PHF24: variants seen among roughly 807,000 people sequenced by gnomAD.
The protein encoded by PHF24 is PHD finger protein 24.
A neutral mutation model predicts 42.6 loss-of-function variants in PHF24; 25 were observed. That is an observed-to-expected ratio of 0.59 (90% CI 0.43 to 0.82). The LOEUF (loss-of-function observed/expected upper bound fraction) is 0.82. Ranked by LOEUF, PHF24 falls within the 40% of genes least tolerant of loss-of-function variation. The pLI is 0.00. For missense variants in PHF24, 470 were observed against 538.1 expected (o/e 0.87, Z 1.25); for synonymous variants, 185 against 204.8 (o/e 0.90, Z 0.83).
At chr9:34,841,466 C>T in the PHF24 span, among the ~76,000 whole-genome samples, 477 of 152,242 alleles carry the variant, frequency 3.1e-3, no homozygotes, top group African/African-American at 0.011. Flanking sequence ...ACCACAGTTT[C>T]ATTTTTGTTG....
At chr9:34,982,496 C>T (rs1359086817) in exon 8 of PHF24, 2 of 152,224 alleles carry the variant, frequency 1.3e-5, no homozygotes, top group Non-Finnish European at 2.9e-5. Context: ...GAAGCTGATG[C>T]CCTGAGGCTG....
At chr9:34,765,958 GA>G in the PHF24 span, among the ~76,000 whole-genome samples, 1 of 151,736 alleles carries the variant, frequency 6.6e-6, no homozygotes, top group Admixed American at 6.6e-5. Context: ...CTTCACTTAT[GA>G]AGCTTAGTTT....
At chr9:34,809,845 C>T in the PHF24 span, among the ~76,000 whole-genome samples, 5 of 152,122 alleles carry the variant, frequency 3.3e-5, no homozygotes, top group Admixed American at 2.6e-4. This position sits in a 1 kb window ranked among gnomAD's most constrained non-coding sequence, Gnocchi z 4.1. Context: ...ACTACTCATC[C>T]GAGCCCATGG....
chr9:34,933,411 A>G, the PHF24 span, among the ~76,000 whole-genome samples: 2 of 152,152 alleles, frequency 1.3e-5, no homozygotes, highest in Admixed American at 6.5e-5. Flanking sequence ...GACTCACTCT[A>G]TTATTAATTT....
At chr9:34,890,939 AG>A in the PHF24 span, among the ~76,000 whole-genome samples, 1 of 152,204 alleles carries the variant, frequency 6.6e-6, no homozygotes, top group Non-Finnish European at 1.5e-5. Flanking sequence ...AGCATGGCCC[AG>A]GACTTACACA....
the PHF24 span, among the ~76,000 whole-genome samples, chr9:34,904,109 C>T: frequency 2.6e-5 from 4 of 151,946 alleles, no homozygotes; most frequent in East Asian, 1.9e-4. Context: ...TTAGGGTAGA[C>T]GATTATATTG....
chr9:34,754,944 G>A, the PHF24 span, among the ~76,000 whole-genome samples: 1 of 152,160 alleles, frequency 6.6e-6, no homozygotes, highest in African/African-American at 2.4e-5. Context: ...AGTGAAATAA[G>A]CCATGCATAG....
the PHF24 span, chr9:34,917,157 C>T: frequency 1.0e-5 from 13 of 1,281,014 alleles, no homozygotes; most frequent in African/African-American, 4.4e-5. Context: ...CTGCTCGGCA[C>T]CCAGAACACC....
At chr9:34,839,459 G>A in the PHF24 span, among the ~76,000 whole-genome samples, 8 of 152,096 alleles carry the variant, frequency 5.3e-5, no homozygotes, top group East Asian at 3.9e-4. Context: ...ATACTCTGCC[G>A]ATTAATTTAT....
intron 1 of PHF24, among the ~76,000 whole-genome samples, chr9:34,961,952 T>G (rs1826602456): frequency 6.6e-6 from 1 of 152,190 alleles, no homozygotes; most frequent in Non-Finnish European, 1.5e-5. Flanking sequence ...TATGTTTGTT[T>G]TTTTGAGGCT....
the PHF24 span, among the ~76,000 whole-genome samples, chr9:34,750,491 A>AAAATAAATAAAT: frequency 7.0e-6 from 1 of 142,156 alleles, no homozygotes; most frequent in Non-Finnish European, 1.5e-5. Flanking sequence ...CTCTATCTCA[A>AAAATAAATAAAT]AAATAAATAA....
chr9:34,904,259 T>C, the PHF24 span, among the ~76,000 whole-genome samples: 2 of 152,328 alleles, frequency 1.3e-5, no homozygotes, highest in African/African-American at 4.8e-5. Flanking sequence ...TCCAGTACTA[T>C]GTTGAAGAGG....
the PHF24 span, among the ~76,000 whole-genome samples, chr9:34,718,054 C>T: frequency 6.6e-6 from 1 of 152,114 alleles, no homozygotes; most frequent in Non-Finnish European, 1.5e-5. Context: ...CTGACATACC[C>T]CAGCTGCTGG....
At chr9:34,766,565 C>T in the PHF24 span, among the ~76,000 whole-genome samples, 2 of 152,178 alleles carry the variant, frequency 1.3e-5, no homozygotes, top group African/African-American at 4.8e-5. Flanking sequence ...CTCCTTTAAG[C>T]ACTTCTCTGT....
the PHF24 span, among the ~76,000 whole-genome samples, chr9:34,937,048 C>CCAGCCGCCCCGTCCGGGAGGTGGGGGGGT: frequency 6.8e-6 from 1 of 146,184 alleles, no homozygotes; most frequent in Non-Finnish European, 1.5e-5. Context: ...CCCCCCCGGG[C>CCAGCCGCCCCGTCCGGGAGGTGGGGGGGT]CAGCCGCCCC....
chr9:34,754,006 AT>A, the PHF24 span, among the ~76,000 whole-genome samples: 3 of 152,140 alleles, frequency 2.0e-5, no homozygotes, highest in African/African-American at 2.4e-5. Flanking sequence ...TAGTTTTTAA[AT>A]TTTGATTTCA....
the PHF24 span, among the ~76,000 whole-genome samples, chr9:34,785,906 C>T: frequency 6.6e-6 from 1 of 152,098 alleles, no homozygotes; most frequent in Non-Finnish European, 1.5e-5. Context: ...ATATTGGAAA[C>T]ATAATTGTGT....
At chr9:34,769,163 C>A in the PHF24 span, among the ~76,000 whole-genome samples, 31 of 152,174 alleles carry the variant, frequency 2.0e-4, no homozygotes, top group African/African-American at 6.8e-4. Context: ...GTCACCCAGG[C>A]TGGAGTGCAG....
chr9:34,888,939 T>C, the PHF24 span: 1 of 396,834 alleles, frequency 2.5e-6, no homozygotes, highest in East Asian at 3.6e-5. Flanking sequence ...TCATGTGGAA[T>C]GCTGACCCAT....
Sources: gnomAD v4.1 joint callset for allele counts (sites outside exome capture counted in the v4.1 genomes callset) on GRCh38, gnomAD v4.1.1 for gene constraint, Gnocchi (gnomAD v3.1) non-coding constraint, MANE v1.5 for transcripts, NCBI Gene and HGNC (gene_info 2026-07-23, HGNC 2026-07-21) for gene names.